Variants in SDK1 observed in about 807,000 individuals in gnomAD.
The protein encoded by SDK1 is sidekick cell adhesion molecule 1.
Under a neutral mutation model 245.5 loss-of-function variants are expected in SDK1, and 157 were observed. The observed-to-expected ratio is 0.64, with a 90% CI of 0.56 to 0.73. The LOEUF (loss-of-function observed/expected upper bound fraction) is 0.73, where lower values mean the gene tolerates loss of function less well. Among genes scored for constraint, SDK1 ranks in the 30% least tolerant of loss-of-function variants. The probability of loss-of-function intolerance (pLI) is 0.00; values close to 1 mark genes in which losing one functional copy is unlikely to be tolerated. For synonymous variants in SDK1, 1,647 were observed against 1,278.5 expected (o/e 1.29, Z -6.15); for missense variants, 3,583 against 3,002.3 (o/e 1.19, Z -4.52).
chr7:4,010,433 C>G (rs1785850933), intron 14 of SDK1, among the ~76,000 whole-genome samples: 1 of 152,226 alleles, frequency 6.6e-6, no homozygotes, highest in African/African-American at 2.4e-5. Flanking sequence ...CATTACGCCT[C>G]TCTCCAGCCA....
At chr7:3,652,393 G>A (rs976108280) in intron 4 of SDK1, among the ~76,000 whole-genome samples, 9 of 152,202 alleles carry the variant, frequency 5.9e-5, no homozygotes, top group African/African-American at 2.2e-4. Flanking sequence ...TGGGAAGGAG[G>A]GCCTGGAGTC....
rs1056352113 is a variant in SDK1, at chr7:3,856,677, G to C, written c.847+35094G>C. On this transcript the variant is annotated intron_variant, in intron 5 of 44. Coordinates refer to ENST00000404826, the MANE Select transcript of SDK1 (RefSeq NM_152744.4). ...ATGGTGGCGGGCACCTGTAATCCCAGCTAGTCAGGAGGCTGAGGCAGGAGT... is the reference window on the plus strand; with the variant it reads ...ATGGTGGCGGGCACCTGTAATCCCACCTAGTCAGGAGGCTGAGGCAGGAGT... Among the ~76,000 whole-genome samples the C allele has an allele frequency of 5.3e-5, 8 of 152,000 alleles. 1 individual carries two copies. The highest frequency in any genetic ancestry group is 4.4e-5 in the Non-Finnish European group (3 of 68,010).
At chr7:3,671,674 A>G (rs189951457) in intron 4 of SDK1, among the ~76,000 whole-genome samples, 3 of 152,322 alleles carry the variant, frequency 2.0e-5, no homozygotes, top group Admixed American at 1.3e-4. Flanking sequence ...CTAATCAAAC[A>G]CTTTTCATTG....
chr7:3,719,025 T>G (rs1278817157), intron 4 of SDK1, among the ~76,000 whole-genome samples: 1 of 152,228 alleles, frequency 6.6e-6, no homozygotes, highest in Admixed American at 6.5e-5. Context: ...CATTTATAAT[T>G]GTTCCTTGCT....
chr7:4,211,561 C>G (rs771149509), intron 38 of SDK1, among the ~76,000 whole-genome samples: 1 of 152,192 alleles, frequency 6.6e-6, no homozygotes, highest in Non-Finnish European at 1.5e-5. Flanking sequence ...GGCTGCTGCT[C>G]TGCACCTGCT....
chr7:3,358,314 G>A (rs1780861961), intron 1 of SDK1, among the ~76,000 whole-genome samples: 1 of 152,140 alleles, frequency 6.6e-6, no homozygotes, highest in Non-Finnish European at 1.5e-5. Flanking sequence ...GGACCACCAT[G>A]CCCAGCCCTC....
At chr7:4,189,424 G>T (rs373916481) in intron 35 of SDK1, among the ~76,000 whole-genome samples, 108 of 152,338 alleles carry the variant, frequency 7.1e-4, no homozygotes, top group African/African-American at 2.5e-3. Flanking sequence ...GCCAGGACTT[G>T]CCTTTTTTCC....
intron 1 of SDK1, among the ~76,000 whole-genome samples, chr7:3,548,888 C>T (rs1049735955): frequency 6.6e-6 from 1 of 152,180 alleles, no homozygotes; most frequent in African/African-American, 2.4e-5. Flanking sequence ...ATCACTTTGA[C>T]CTCAGATATC....
At chr7:3,778,749 CA>C (rs1780638250) in intron 4 of SDK1, among the ~76,000 whole-genome samples, 1 of 152,124 alleles carries the variant, frequency 6.6e-6, no homozygotes, top group Admixed American at 6.5e-5. Context: ...TAAGCTTAAA[CA>C]AAATGATGAG....
At chr7:4,264,859 C>T (rs887374189) in intron 44 of SDK1, among the ~76,000 whole-genome samples, 1 of 152,140 alleles carries the variant, frequency 6.6e-6, no homozygotes, top group Admixed American at 6.5e-5. Context: ...CAGCTCTTCT[C>T]GGAAACCTGG....
chr7:3,555,085 A>G (rs943762174), intron 1 of SDK1, among the ~76,000 whole-genome samples: 1 of 152,180 alleles, frequency 6.6e-6, no homozygotes, highest in Non-Finnish European at 1.5e-5. Context: ...AAACAATCCT[A>G]AAATTTAAAT....
chr7:3,457,113 C>G (rs1016196071), intron 1 of SDK1, among the ~76,000 whole-genome samples: 1 of 152,082 alleles, frequency 6.6e-6, no homozygotes, highest in Non-Finnish European at 1.5e-5. Context: ...CTCTGTTGTC[C>G]GCTTTTCTGG....
intron 5 of SDK1, among the ~76,000 whole-genome samples, chr7:3,869,156 T>TC (rs1172680042): frequency 6.8e-6 from 1 of 146,900 alleles, no homozygotes; most frequent in Non-Finnish European, 1.5e-5. Context: ...TTCATTTCTT[T>TC]TTTTTTTTTT....
intron 4 of SDK1, among the ~76,000 whole-genome samples, chr7:3,790,100 G>C (rs2115022172): frequency 6.6e-6 from 1 of 152,216 alleles, no homozygotes; most frequent in East Asian, 1.9e-4. Context: ...AGAGTGGGAG[G>C]TGAGGACCTG....
At chr7:3,901,853 C>A (rs1261453719) in intron 5 of SDK1, among the ~76,000 whole-genome samples, 1 of 152,116 alleles carries the variant, frequency 6.6e-6, no homozygotes, top group Non-Finnish European at 1.5e-5. Context: ...GGAAGGGACT[C>A]TTGTTCTTTG....
At chr7:4,117,535 G>A (rs765742139) in intron 25 of SDK1, among the ~76,000 whole-genome samples, 5 of 152,208 alleles carry the variant, frequency 3.3e-5, no homozygotes, top group Non-Finnish European at 7.4e-5. Flanking sequence ...ATCCTCAGGT[G>A]TCAGAGGCAT....
At chr7:3,484,090 A>C (rs1192453776) in intron 1 of SDK1, among the ~76,000 whole-genome samples, 4 of 152,204 alleles carry the variant, frequency 2.6e-5, no homozygotes, top group Non-Finnish European at 5.9e-5. Flanking sequence ...GCAGCTATTT[A>C]AGAAATGCCT....
chr7:4,262,565 C>T (rs1222619522), intron 44 of SDK1, among the ~76,000 whole-genome samples: 1 of 151,656 alleles, frequency 6.6e-6, no homozygotes, highest in African/African-American at 2.4e-5. Context: ...AGTACCTGGC[C>T]GGGGAGACAT....
intron 8 of SDK1, among the ~76,000 whole-genome samples, 159 bp downstream of exon 8, chr7:3,959,173 T>TA (rs769506393): frequency 6.6e-6 from 1 of 152,034 alleles, no homozygotes; most frequent in Non-Finnish European, 1.5e-5. Context: ...TGACTGTGGG[T>TA]AAGGCATTTG....
Sources: gnomAD v4.1 joint callset for allele counts (sites outside exome capture counted in the v4.1 genomes callset) on GRCh38, gnomAD v4.1.1 for gene constraint, MANE v1.5 for transcripts, NCBI Gene and HGNC (gene_info 2026-07-23, HGNC 2026-07-21) for gene names.